CHSY3: variants seen among roughly 807,000 people sequenced by gnomAD.
CHSY3 encodes the protein chondroitin sulfate synthase 3.
Under a neutral mutation model 67.2 loss-of-function variants are expected in CHSY3, and 35 were observed. The observed-to-expected ratio is 0.52, with a 90% CI of 0.40 to 0.69. The LOEUF is 0.69. CHSY3 is among the 30% of genes least tolerant of loss of function. The pLI is 0.00. For synonymous variants in CHSY3, 474 were observed against 434.7 expected (o/e 1.09, Z -1.12); for missense variants, 1,069 against 1,138.5 (o/e 0.94, Z 0.88).
At chr5:129,972,423 C>A (rs1762669028) in intron 2 of CHSY3, among the ~76,000 whole-genome samples, 1 of 151,986 alleles carries the variant, frequency 6.6e-6, no homozygotes, top group Non-Finnish European at 1.5e-5. Context: ...TCCTCTCAGT[C>A]ACATATAGAT....
intron 2 of CHSY3, among the ~76,000 whole-genome samples, chr5:130,010,647 A>C (rs1203985933): frequency 6.6e-6 from 1 of 151,414 alleles, no homozygotes. Context: ...AGAGCTGAAC[A>C]GAGTGAAATG....
chr5:129,935,496 A>C (rs1400834852), intron 2 of CHSY3, among the ~76,000 whole-genome samples: 1 of 152,168 alleles, frequency 6.6e-6, no homozygotes, highest in African/African-American at 2.4e-5. Context: ...CATTTAGACA[A>C]AATATTCATC....
rs552342768 is a variant in CHSY3 at position 129,930,355 on chromosome 5, C to A, written c.1086+21995C>A. ...CTCAAAAAAAAAAAAAAAAAGCTAT[C>A]CCTTATTCTAAGCACATAACCATTT... On this transcript the variant is annotated intron_variant, in intron 2 of 2. Coordinates refer to ENST00000305031, the MANE Select transcript of CHSY3 (RefSeq NM_175856.5). Among the ~76,000 whole-genome samples the A allele has an allele frequency of 6.0e-5, 9 of 151,074 alleles. No homozygotes were observed. In the East Asian group the frequency reaches 1.8e-3, roughly 29 times the overall value.
In CHSY3 at chr5:129,905,099, G is replaced by A; in HGVS notation, c.270G>A (p.Glu90=). ...ATCTCCAGGGGCCACCGCTGCCCGA[G>A]GCAGCACCCGGGATCACCAGTTTTC... ...RQDLQGPPLP[E]AAPGITSFRS... is the part of the protein sequence containing the mutation. Residue 90 remains glutamate (E), a synonymous_variant, in exon 1 of 3, where the codon GAG becomes GAA. Coordinates refer to ENST00000305031, the MANE Select transcript of CHSY3 (RefSeq NM_175856.5). The A allele has an allele frequency of 6.5e-7, 1 of 1,541,062 alleles. No individual in the cohort carries two copies. Among genetic ancestry groups the A allele is most frequent in the Non-Finnish European group, 8.7e-7 (1 of 1,149,486 alleles).
rs148002457 is a variant in CHSY3 at position 129,939,291 on chromosome 5, G to T, written c.1086+30931G>T. 4.9e-3 allele frequency among the ~76,000 whole-genome samples: 753 copies of T among 152,220 alleles called. 2 individuals carry two copies. Among genetic ancestry groups the T allele is most frequent in the African/African-American group, 0.017 (715 of 41,556 alleles). On this transcript the variant is annotated intron_variant, in intron 2 of 2. Coordinates refer to ENST00000305031, the MANE Select transcript of CHSY3 (RefSeq NM_175856.5). The stretch of plus-strand genomic sequence containing the variant: ...ACCAGGCCCCTCCTCCAACACTGGG[G>T]ATTGCAGTTCAACATGAGATTTGGA...
At chr5:129,981,544 G>A (rs1762985447) in intron 2 of CHSY3, among the ~76,000 whole-genome samples, 2 of 151,596 alleles carry the variant, frequency 1.3e-5, no homozygotes, top group South Asian at 4.2e-4. Flanking sequence ...TTGGAAACAG[G>A]GTCTCACTTG....
chr5:129,984,906 G>T (rs1417729520), intron 2 of CHSY3, among the ~76,000 whole-genome samples: 1 of 151,986 alleles, frequency 6.6e-6, no homozygotes, highest in Non-Finnish European at 1.5e-5. Flanking sequence ...TAAGTTCCTT[G>T]GAAGTTGTGG....
chr5:130,174,645 TACA>T (rs1390138830), intron 2 of CHSY3, among the ~76,000 whole-genome samples: 3 of 152,096 alleles, frequency 2.0e-5, no homozygotes, highest in African/African-American at 7.2e-5. Flanking sequence ...AGATAACAAC[TACA>T]ACAATAACTA....
chr5:129,932,655 A>G (rs990890217), intron 2 of CHSY3, among the ~76,000 whole-genome samples: 20 of 152,294 alleles, frequency 1.3e-4, no homozygotes, highest in African/African-American at 4.6e-4. Context: ...TAGTTTATGT[A>G]TATTAAATGC....
At chr5:130,014,903 C>T (rs1246434707) in intron 2 of CHSY3, among the ~76,000 whole-genome samples, 1 of 152,146 alleles carries the variant, frequency 6.6e-6, no homozygotes, top group Non-Finnish European at 1.5e-5. Context: ...AAGAAACTAT[C>T]AACAGAGCAA....
At chr5:129,989,917 C>T (rs1441874166) in intron 2 of CHSY3, among the ~76,000 whole-genome samples, 3 of 152,122 alleles carry the variant, frequency 2.0e-5, no homozygotes, top group Non-Finnish European at 4.4e-5. Flanking sequence ...TTGTGTCATA[C>T]AAGCAATATA....
chr5:130,181,667 A>G (rs1022619818), intron 2 of CHSY3, among the ~76,000 whole-genome samples: 1 of 152,218 alleles, frequency 6.6e-6, no homozygotes, highest in Non-Finnish European at 1.5e-5. Context: ...ACCTGGATAA[A>G]TAAAAGAACA....
chr5:130,139,743 C>A (rs1315163396), intron 2 of CHSY3, among the ~76,000 whole-genome samples: 1 of 152,056 alleles, frequency 6.6e-6, no homozygotes. Flanking sequence ...AAATTGGAAA[C>A]AAAAGCAAAT....
In CHSY3 at chr5:129,910,682, G is replaced by A. The variant is rs182004300; in HGVS notation, c.1086+2322G>A. 1.5e-3 allele frequency among the ~76,000 whole-genome samples: 224 copies of A among 151,866 alleles called. 1 individual carries two copies. The highest frequency in any genetic ancestry group is 2.6e-3 in the Non-Finnish European group (173 of 67,826). Reference sequence around the variant, plus strand: ...ATGAGACACCTAAGTACGTAACTTGGGGCACAGCTAAACTGGTTATAACAT... The same window carrying A: ...ATGAGACACCTAAGTACGTAACTTGAGGCACAGCTAAACTGGTTATAACAT... On this transcript the variant is annotated intron_variant, in intron 2 of 2. Transcript: ENST00000305031.
chr5:130,161,195 C>G (rs1024049981), intron 2 of CHSY3, among the ~76,000 whole-genome samples: 2 of 152,012 alleles, frequency 1.3e-5, no homozygotes, highest in Non-Finnish European at 2.9e-5. Context: ...TGAGCCACCA[C>G]GACCAGCCGA....
chr5:130,129,396 A>T (rs953685754), intron 2 of CHSY3, among the ~76,000 whole-genome samples: 1 of 152,142 alleles, frequency 6.6e-6, no homozygotes, highest in Non-Finnish European at 1.5e-5. Context: ...GTAAGGTGCA[A>T]ACTTTTAGGT....
rs1320758031 is a variant in CHSY3, at chr5:129,904,568, A to ACCGCCGCCG, written c.-258_-250dup. On this transcript the variant is annotated 5_prime_UTR_variant, in exon 1 of 3. Transcript: ENST00000305031. ...TGCCGCTGCTGCCGCCGCTGCCGCC[A>ACCGCCGCCG]CCGCCGCCGCCGGGAGAAGTTTCAC... is the stretch of plus-strand genomic sequence containing the variant. 1.8e-3 allele frequency: 744 copies of ACCGCCGCCG among 418,250 alleles called. 5 individuals carry two copies. Among genetic ancestry groups the ACCGCCGCCG allele is most frequent in the African/African-American group, 0.014 (689 of 47,676 alleles). 25.9% of individuals were successfully genotyped at this position (418,250 alleles called of 1,614,324 possible).
chr5:130,068,375 C>T (rs1015734296), intron 2 of CHSY3, among the ~76,000 whole-genome samples: 6 of 152,268 alleles, frequency 3.9e-5, no homozygotes, highest in East Asian at 3.9e-4. Flanking sequence ...TGATGGTCCA[C>T]GTGCTCACAG....
chr5:130,048,976 A>G (rs188200568), intron 2 of CHSY3, among the ~76,000 whole-genome samples: 192 of 152,030 alleles, frequency 1.3e-3, no homozygotes, highest in African/African-American at 4.5e-3. Context: ...AGTAAATTTC[A>G]AATGTTGACA....
Sources: gnomAD v4.1 joint callset for allele counts (sites outside exome capture counted in the v4.1 genomes callset) on GRCh38, gnomAD v4.1.1 for gene constraint, MANE v1.5 for transcripts, NCBI Gene and HGNC (gene_info 2026-07-23, HGNC 2026-07-21) for gene names.